PTER: variants seen among roughly 807,000 people sequenced by gnomAD.
PTER encodes N-acetyltaurine hydrolase.
A neutral mutation model predicts 29.6 loss-of-function variants in PTER; 38 were observed. The observed-to-expected ratio is 1.28, with a 90% confidence interval of 0.99 to 1.68. The LOEUF (loss-of-function observed/expected upper bound fraction) is 1.68. PTER is among the 40% of genes most tolerant of loss of function. The probability of loss-of-function intolerance (pLI) is 0.00; values close to 1 mark genes in which losing one functional copy is unlikely to be tolerated. For missense variants in PTER, 482 were observed against 427.8 expected, an observed-to-expected ratio of 1.13 and a Z score of -1.12; for synonymous variants, 172 against 154.5, an observed-to-expected ratio of 1.11 and a Z score of -0.84.
rs982605970 is a variant in PTER at position 16,513,628 on chromosome 10, A to G, written c.*2372A>G. 11 of 152,624 alleles carry G rather than the reference A, an allele frequency of 7.2e-5. No homozygotes were observed. Among genetic ancestry groups the G allele is most frequent in the African/African-American group, 2.7e-4 (11 of 41,458 alleles). 9.5% of individuals were successfully genotyped at this position (152,624 alleles called of 1,614,324 possible). Reference sequence around the variant, plus strand: ...CTAGTGTCCCCTTGGTGACGTATGCAGCAGCTCAAATTAAACCTTTGTGCA... The same window carrying G: ...CTAGTGTCCCCTTGGTGACGTATGCGGCAGCTCAAATTAAACCTTTGTGCA... On this transcript the variant is annotated 3_prime_UTR_variant, in exon 5 of 5. Transcript: ENST00000535784.
At position 16,477,272 on chromosome 10, in the gene PTER, ATAGATAG is replaced by A. The variant is rs758908775; in HGVS notation, c.-48-7064_-48-7058del. 2.2e-4 allele frequency among the ~76,000 whole-genome samples: 31 copies of A among 139,912 alleles called. 1 individual carries two copies. The highest frequency in any genetic ancestry group is 1.6e-4 in the Non-Finnish European group (11 of 67,076). The allele number at this position is 139,912 out of a possible 152,430, so 91.8% of individuals were successfully genotyped here. A position where few individuals can be genotyped will look rare whatever the true frequency, so the allele number is the denominator to read the frequency against. On this transcript the variant is annotated intron_variant, in intron 1 of 4. Transcript: ENST00000535784. ...ATTCTGTCTTTCGATAGATAGATAGATAGATAGATAGATAGATAGATAGATAGATGGA... is the reference window on the plus strand; with the variant it reads ...ATTCTGTCTTTCGATAGATAGATAGAATAGATAGATAGATAGATAGATGGA...
At chr10:16,445,106 A>G (rs1346491328) in intron 1 of PTER, among the ~76,000 whole-genome samples, 1 of 152,246 alleles carries the variant, frequency 6.6e-6, no homozygotes, top group African/African-American at 2.4e-5. Context: ...GTTATTTTTT[A>G]AAAAGGAGAA....
chr10:16,510,126 A>G (rs1176056428), intron 4 of PTER, among the ~76,000 whole-genome samples: 2 of 152,212 alleles, frequency 1.3e-5, no homozygotes, highest in African/African-American at 4.8e-5. Context: ...ATCCCATAGA[A>G]GAGCCATTGT....
chr10:16,476,368 C>A (rs991901343), intron 1 of PTER, among the ~76,000 whole-genome samples: 1 of 152,158 alleles, frequency 6.6e-6, no homozygotes, highest in Non-Finnish European at 1.5e-5. Flanking sequence ...GCCTGAGCCA[C>A]CATGCCCGAC....
chr10:16,516,549 C>G (rs113939450), downstream of PTER, among the ~76,000 whole-genome samples: 1,808 of 152,112 alleles, frequency 0.012, 31 homozygotes, highest in African/African-American at 0.041. Context: ...TTACTAATAA[C>G]CAGACATATT....
chr10:16,472,341 C>T (rs1353615462), intron 1 of PTER, among the ~76,000 whole-genome samples: 2 of 152,156 alleles, frequency 1.3e-5, no homozygotes, highest in African/African-American at 4.8e-5. Flanking sequence ...CCACATCTCA[C>T]CTTGAATTGT....
intron 1 of PTER, among the ~76,000 whole-genome samples, chr10:16,442,898 G>A (rs890354900): frequency 1.2e-4 from 19 of 152,126 alleles, no homozygotes; most frequent in Admixed American, 1.3e-4. Flanking sequence ...CCTGAACCCG[G>A]GAGGCGAAGG....
At chr10:16,487,021 G>A (rs1439653174) in intron 3 of PTER, among the ~76,000 whole-genome samples, 2 of 152,102 alleles carry the variant, frequency 1.3e-5, no homozygotes, top group Non-Finnish European at 2.9e-5. Flanking sequence ...ATAAAGGGAG[G>A]GAATGTCAAT....
chr10:16,485,588 A>T (rs757465087), intron 2 of PTER, among the ~76,000 whole-genome samples: 1 of 151,740 alleles, frequency 6.6e-6, no homozygotes, highest in African/African-American at 2.4e-5. Context: ...GTATTTCAAA[A>T]TTTTTTCTGC....
chr10:16,507,903 TAGTA>T (rs1431661372), intron 4 of PTER, among the ~76,000 whole-genome samples: 1 of 152,284 alleles, frequency 6.6e-6, no homozygotes, highest in African/African-American at 2.4e-5. Flanking sequence ...CCTAAAGCCC[TAGTA>T]GTTAGTTTAT....
At chr10:16,445,001 T>C (rs745360483) in intron 1 of PTER, among the ~76,000 whole-genome samples, 2 of 152,176 alleles carry the variant, frequency 1.3e-5, no homozygotes, top group Non-Finnish European at 2.9e-5. Flanking sequence ...AATGTATTAT[T>C]GAAGCTGTGT....
At chr10:16,441,156 A>G (rs1295373278) in intron 1 of PTER, among the ~76,000 whole-genome samples, 1 of 152,244 alleles carries the variant, frequency 6.6e-6, no homozygotes, top group Non-Finnish European at 1.5e-5. Context: ...GTATGCCTGG[A>G]AGGGATAAGA....
chr10:16,459,973 C>T (rs1282280605), intron 1 of PTER, among the ~76,000 whole-genome samples: 3 of 152,162 alleles, frequency 2.0e-5, no homozygotes, highest in African/African-American at 2.4e-5. Context: ...ATCTCGAACT[C>T]CCGACCTCAG....
rs1185888444 is a variant in PTER, at chr10:16,512,892, A to G, written c.*1636A>G. 1 of 152,560 alleles carries G rather than the reference A, an allele frequency of 6.6e-6. No individual in the cohort carries two copies. The highest frequency in any genetic ancestry group is 1.5e-5 in the Non-Finnish European group (1 of 67,984). 9.5% of individuals were successfully genotyped at this position (152,560 alleles called of 1,614,324 possible). On this transcript the variant is annotated 3_prime_UTR_variant, in exon 5 of 5. Coordinates refer to ENST00000535784, the MANE Select transcript of PTER (RefSeq NM_001261836.2). ...TAGGAGATATCAACATGCATTTTTA[A>G]TCTTTTCCTTAGATGAAAGAGATGG... is the stretch of plus-strand genomic sequence containing the variant.
intron 1 of PTER, among the ~76,000 whole-genome samples, chr10:16,464,251 G>A (rs563450077): frequency 1.3e-5 from 2 of 152,212 alleles, no homozygotes; most frequent in Admixed American, 1.3e-4. Context: ...CATCATTGTG[G>A]CCTTGAGAGT....
At chr10:16,477,298 A>AGATAGATAGATAGATAGATAGATG (rs199577499) in intron 1 of PTER, among the ~76,000 whole-genome samples, 4 of 138,668 alleles carry the variant, frequency 2.9e-5, no homozygotes, top group Admixed American at 2.8e-4. Context: ...ATAGATAGAT[A>AGATAGATAGATAGATAGATAGATG]GATGGATGTC....
intron 1 of PTER, among the ~76,000 whole-genome samples, chr10:16,480,292 C>T (rs1025583504): frequency 6.6e-6 from 1 of 150,938 alleles, no homozygotes; most frequent in Non-Finnish European, 1.5e-5. Context: ...CAGGTTCAAG[C>T]AATTCTCCTG....
At chr10:16,469,895 T>C in intron 1 of PTER, among the ~76,000 whole-genome samples, 1 of 133,142 alleles carries the variant, frequency 7.5e-6, no homozygotes, top group South Asian at 2.7e-4. Context: ...TTTTGTTTGT[T>C]TTTTTGTTTT....
chr10:16,452,819 C>T (rs1834263642), intron 1 of PTER, among the ~76,000 whole-genome samples: 1 of 152,120 alleles, frequency 6.6e-6, no homozygotes, highest in South Asian at 2.1e-4. Context: ...GTGGCATGAT[C>T]TTGGCTCACT....
Sources: gnomAD v4.1 joint callset for allele counts (sites outside exome capture counted in the v4.1 genomes callset) on GRCh38, gnomAD v4.1.1 for gene constraint, MANE v1.5 for transcripts, NCBI Gene and HGNC (gene_info 2026-07-23, HGNC 2026-07-21) for gene names.